NRXN1: variants seen among roughly 807,000 people sequenced by gnomAD.
NRXN1 encodes the protein neurexin 1, also known as neurexin-1.
A neutral mutation model predicts 150.9 loss-of-function variants in NRXN1; 39 were observed. That is an observed-to-expected ratio of 0.26 (90% CI 0.20 to 0.34). NRXN1 has a LOEUF of 0.34. Among genes scored for constraint, NRXN1 ranks in the 10% least tolerant of loss-of-function variants. The pLI, the probability that NRXN1 is intolerant of heterozygous loss-of-function variation, is 1.00. For missense variants in NRXN1, 1,815 were observed against 1,949.9 expected (o/e 0.93, Z 1.30); for synonymous variants, 924 against 757.0 (o/e 1.22, Z -3.62).
intron 5 of NRXN1, among the ~76,000 whole-genome samples, chr2:50,800,579 C>G (rs1048369592): frequency 6.6e-6 from 1 of 151,968 alleles, no homozygotes; most frequent in African/African-American, 2.4e-5. Flanking sequence ...GACAAAGTTT[C>G]ACTCTTGTTG....
Position 50,623,620 on chromosome 2 carries a change from A to G in NRXN1, c.833-5T>C, listed in dbSNP as rs199712573. ...TGGCAATATATTCTTCTTTTCCTAG[A>G]GGAAAACAGATGATACATACATAAG... On this transcript the variant is annotated splice_region_variant and splice_polypyrimidine_tract_variant and intron_variant, in intron 5 of 22. Coordinates refer to ENST00000401669, the MANE Select transcript of NRXN1 (RefSeq NM_001330078.2). 1.2e-6 allele frequency: 2 copies of G among 1,601,742 alleles called. No homozygotes were observed. The highest frequency in any genetic ancestry group is 3.4e-5 in the Admixed American group (2 of 59,610).
At chr2:50,805,851 T>C (rs1416192233) in intron 5 of NRXN1, among the ~76,000 whole-genome samples, 4 of 152,146 alleles carry the variant, frequency 2.6e-5, no homozygotes, top group Non-Finnish European at 4.4e-5. Flanking sequence ...ACTTTGTTGG[T>C]TACTTTTACA....
chr2:50,251,061 T>A (rs1201047316), intron 17 of NRXN1, among the ~76,000 whole-genome samples: 1 of 151,672 alleles, frequency 6.6e-6, no homozygotes, highest in Non-Finnish European at 1.5e-5. Flanking sequence ...TGTATATGTA[T>A]TACATATGTA....
intron 17 of NRXN1, among the ~76,000 whole-genome samples, chr2:50,242,954 G>A (rs533020553): frequency 1.4e-4 from 21 of 151,686 alleles, no homozygotes; most frequent in African/African-American, 3.9e-4. Context: ...CAATCAGGTC[G>A]AAACAAAAAA....
chr2:50,134,526 T>G (rs562211078), intron 18 of NRXN1, among the ~76,000 whole-genome samples: 8 of 152,132 alleles, frequency 5.3e-5, no homozygotes, highest in Non-Finnish European at 1.2e-4. Context: ...AGATGTTTGA[T>G]ACAATTCAGG....
rs143495349 is a variant in NRXN1 at position 49,922,193 on chromosome 2, C to A, written c.4275G>T (p.Arg1425=). The A allele has an allele frequency of 1.7e-4, 269 of 1,614,128 alleles. 1 individual carries two copies. In the African/African-American group the frequency reaches 3.1e-3, roughly 18 times the overall value. The change falls in exon 23 of 23, where the codon CGG becomes CGT. Residue 1425 remains arginine, a synonymous_variant. Transcript: ENST00000401669. ...CCATACCCGTGGTGCTGCTGGACTC[C>A]CGGATCACTTCTGCTGAGCCTGGAT... The part of the protein sequence containing the change: ...EPYPGSAEVI[R]ESSSTTGMVV...
At chr2:50,210,615 T>G (rs1032130323) in intron 18 of NRXN1, among the ~76,000 whole-genome samples, 1 of 151,716 alleles carries the variant, frequency 6.6e-6, no homozygotes, top group Admixed American at 6.6e-5. Flanking sequence ...CATATCACCA[T>G]TATAGTGATA....
intron 2 of NRXN1, among the ~76,000 whole-genome samples, chr2:50,963,285 T>C (rs371912147): frequency 6.6e-6 from 1 of 151,508 alleles, no homozygotes; most frequent in African/African-American, 2.4e-5. Context: ...GACTCAGACA[T>C]GGCCTTTCTA....
At chr2:50,164,838 G>A (rs2059577928) in intron 18 of NRXN1, among the ~76,000 whole-genome samples, 1 of 152,146 alleles carries the variant, frequency 6.6e-6, no homozygotes, top group Admixed American at 6.5e-5. Flanking sequence ...ATTTAAGTGC[G>A]ATTGAACTCC....
intron 18 of NRXN1, among the ~76,000 whole-genome samples, chr2:50,094,767 GA>G (rs10632264): frequency 1.8e-3 from 234 of 131,314 alleles, no homozygotes; most frequent in African/African-American, 3.2e-3. Context: ...GAAAAGAAAA[GA>G]AAAAAAAAAA....
intron 17 of NRXN1, among the ~76,000 whole-genome samples, chr2:50,368,922 A>G (rs1280651348): frequency 2.0e-5 from 3 of 151,938 alleles, no homozygotes; most frequent in Non-Finnish European, 4.4e-5. Flanking sequence ...ACATTTCTTT[A>G]GATAAAGAAA....
chr2:50,738,231 T>A (rs577288019), intron 5 of NRXN1, among the ~76,000 whole-genome samples: 1 of 152,210 alleles, frequency 6.6e-6, no homozygotes, highest in Non-Finnish European at 1.5e-5. Flanking sequence ...ATATTAGTGA[T>A]ACACTGGGCA....
At chr2:50,057,555 A>C (rs867151854) in intron 19 of NRXN1, among the ~76,000 whole-genome samples, 58 of 152,304 alleles carry the variant, frequency 3.8e-4, no homozygotes, top group Middle Eastern at 6.8e-3. Flanking sequence ...TCAAACTCTG[A>C]ATATCCCTCC....
intron 5 of NRXN1, among the ~76,000 whole-genome samples, chr2:50,908,388 C>G (rs949600534): frequency 6.6e-6 from 1 of 151,200 alleles, no homozygotes; most frequent in Non-Finnish European, 1.5e-5. Flanking sequence ...CACACACAAC[C>G]ACACCCCTAC....
At chr2:50,890,178 T>C (rs1021124624) in intron 5 of NRXN1, among the ~76,000 whole-genome samples, 6 of 151,768 alleles carry the variant, frequency 4.0e-5, no homozygotes, top group African/African-American at 1.4e-4. Flanking sequence ...CTTCCAAAAT[T>C]CCTTTTGCTA....
At position 50,152,236 on chromosome 2, in the gene NRXN1, A is replaced by G. The variant is rs545240519; in HGVS notation, c.3547-60742T>C. Among the ~76,000 whole-genome samples the G allele has an allele frequency of 2.0e-5, 3 of 151,778 alleles. No homozygotes were observed. The South Asian group carries it at 6.2e-4, about 32-fold the overall frequency. ...TCCAGCCTCTGGCAATCATCATTCT[A>G]CCTTCTGTTTCTATAATTTTCACTA... On this transcript the variant is annotated intron_variant, in intron 18 of 22. Transcript: ENST00000401669.
At position 50,496,082 on chromosome 2, in the gene NRXN1, C is replaced by G; in HGVS notation, c.2893G>C (p.Val965Leu). The change falls in exon 15 of 23, where the codon GTG (valine) becomes CTG (leucine). Residue 965 changes from valine to leucine, a missense_variant. Transcript: ENST00000401669. ...VELVKGYLHY[V>L]FDLGNGANLI... is the part of the protein sequence containing the mutation. ...TTAGCACCATTTCCCAAATCAAACA[C>G]GTAATGTAAGTACCTGGGAAAAAAA... 1 of 1,601,888 alleles carries G rather than the reference C, an allele frequency of 6.2e-7. No individual in the cohort carries two copies. Among genetic ancestry groups the G allele is most frequent in the Non-Finnish European group, 8.5e-7 (1 of 1,173,434 alleles).
intron 5 of NRXN1, among the ~76,000 whole-genome samples, chr2:50,871,435 G>A (rs907872847): frequency 1.3e-5 from 2 of 151,722 alleles, no homozygotes; most frequent in Admixed American, 1.3e-4. Context: ...GGCTTATAAG[G>A]TGAACAAACG....
At chr2:50,966,565 G>A (rs1575077261) in intron 2 of NRXN1, among the ~76,000 whole-genome samples, 1 of 151,576 alleles carries the variant, frequency 6.6e-6, no homozygotes, top group African/African-American at 2.4e-5. Flanking sequence ...ACATTAGAAA[G>A]GCATTCTACA....
Sources: allele counts gnomAD v4.1 joint callset (sites outside exome capture counted in the v4.1 genomes callset), GRCh38; gene constraint gnomAD v4.1.1; transcripts MANE v1.5; gene names NCBI Gene and HGNC (gene_info 2026-07-23, HGNC 2026-07-21).